ZNF841: variants seen among roughly 807,000 people sequenced by gnomAD.
The protein encoded by ZNF841 is TCONS_00006091.
In ZNF841, 11 loss-of-function variants were observed where a neutral mutation model predicts 13.0. The ratio of observed to expected loss-of-function variants is 0.85; its 90% CI spans 0.53 to 1.40. The LOEUF (loss-of-function observed/expected upper bound fraction) is 1.40. Among genes scored for constraint, ZNF841 ranks in the 40% most tolerant of loss-of-function variants. The pLI, the probability that ZNF841 is intolerant of heterozygous loss-of-function variation, is 0.00. For missense variants in ZNF841, 1,068 were observed against 1,139.5 expected, an observed-to-expected ratio of 0.94 and a Z score of 0.90; for synonymous variants, 369 against 381.6, an observed-to-expected ratio of 0.97 and a Z score of 0.38.
intron 6 of ZNF841, among the ~76,000 whole-genome samples, chr19:52,068,478 T>C (rs1201220284): frequency 2.0e-5 from 3 of 151,708 alleles, no homozygotes; most frequent in Non-Finnish European, 4.4e-5. Flanking sequence ...AGTTCAAGAC[T>C]AGCTTGGCCA....
At chr19:52,084,664 A>G (rs11084142) in intron 4 of ZNF841, 123 bp downstream of exon 4, 200,193 of 1,027,314 alleles carry the variant, frequency 0.19, 21,563 homozygotes, top group East Asian at 0.36. Flanking sequence ...GAAGGAAGGC[A>G]TGGGTGAGTG....
At chr19:52,073,033 G>T (rs2087785339) in intron 6 of ZNF841, among the ~76,000 whole-genome samples, 1 of 152,018 alleles carries the variant, frequency 6.6e-6, no homozygotes, top group Non-Finnish European at 1.5e-5. Context: ...GAACAGAATA[G>T]GAAACCCAGA....
intron 2 of ZNF841, among the ~76,000 whole-genome samples, chr19:52,090,116 C>A (rs925386098): frequency 2.0e-5 from 3 of 152,124 alleles, no homozygotes; most frequent in Non-Finnish European, 4.4e-5. Context: ...GGCCCTAAAT[C>A]TTTCTATACA....
At chr19:52,060,590 A>G (rs569834200), downstream of ZNF841, among the ~76,000 whole-genome samples, 1 of 150,210 alleles carries the variant, frequency 6.7e-6, no homozygotes, top group East Asian at 2.0e-4. Context: ...GTTTCCTAGT[A>G]GCTCGTTGGT....
At chr19:52,085,078 C>G (rs1304656168) in intron 3 of ZNF841, among the ~76,000 whole-genome samples, 200 bp from the exon 4 acceptor site, 1 of 152,106 alleles carries the variant, frequency 6.6e-6, no homozygotes, top group Non-Finnish European at 1.5e-5. Context: ...CCCAGAGAAG[C>G]CCCCACACAC....
chr19:52,079,212 T>G (rs1013415595), intron 4 of ZNF841, among the ~76,000 whole-genome samples: 6 of 152,074 alleles, frequency 3.9e-5, no homozygotes, highest in Non-Finnish European at 7.4e-5. Context: ...TAAGTGCAAT[T>G]TTATCCAGTT....
In ZNF841 at chr19:52,067,043, T is replaced by C. The variant is rs1415552978; in HGVS notation, c.839A>G (p.Gln280Arg). 3 of 1,612,968 alleles carry C rather than the reference T, an allele frequency of 1.9e-6. No individual in the cohort carries two copies. In the Admixed American group the frequency reaches 5.0e-5, roughly 27 times the overall value. Residue 280 changes from glutamine (Q) to arginine (R), a missense_variant, in exon 7 of 7, where the codon CAG (glutamine) becomes CGG (arginine). By Grantham distance (43) the Gln-to-Arg change is conservative. Coordinates refer to ENST00000594440, the MANE Select transcript of ZNF841 (RefSeq NM_001136499.2). ...AGGTTTCTCTGTAGTATGTATCATCTGATGATTAATAAGACTTGAAGACAC... is the reference window on the plus strand; with the variant it reads ...AGGTTTCTCTGTAGTATGTATCATCCGATGATTAATAAGACTTGAAGACAC... Reference protein sequence around the residue: ...FRVSSSLINHQMIHTTEKPYR... With the variant: ...FRVSSSLINHRMIHTTEKPYR...
chr19:52,062,163 A>T (rs886974859), downstream of ZNF841, among the ~76,000 whole-genome samples: 1 of 152,124 alleles, frequency 6.6e-6, no homozygotes, highest in East Asian at 1.9e-4. Context: ...CCAAAAGTTG[A>T]CCTTATTACT....
downstream of ZNF841, among the ~76,000 whole-genome samples, chr19:52,061,695 C>T (rs945457315): frequency 1.3e-5 from 2 of 152,160 alleles, no homozygotes; most frequent in Admixed American, 6.5e-5. Context: ...TACAGGCACA[C>T]ACCACCATGC....
intron 4 of ZNF841, among the ~76,000 whole-genome samples, chr19:52,082,811 TG>T (rs778387795): frequency 2.0e-5 from 3 of 152,224 alleles, no homozygotes; most frequent in Non-Finnish European, 4.4e-5. Context: ...CTGGGCACGG[TG>T]GCTGACACCT....
chr19:52,076,105 CA>C lies in ZNF841; in HGVS notation c.209del (p.Val70GlyfsTer4). On this transcript the variant is annotated frameshift_variant, in exon 6 of 7. Transcript: ENST00000594440. LOFTEE classifies it high-confidence loss of function. ...LEQGKEPWTVVSQVKIARNPN... is the reference protein window; with the variant it reads ...LEQGKEPWTVXSQVKIARNPN... The stretch of plus-strand genomic sequence containing the variant: ...GGTTCCTCGCTATTTTCACTTGGCT[CA>C]CCACAGTCCAGGGCTCTTTCCCTTG... The C allele has an allele frequency of 1.9e-6, 3 of 1,556,128 alleles. No individual in the cohort carries two copies. The highest frequency in any genetic ancestry group is 2.6e-6 in the Non-Finnish European group (3 of 1,149,212).
Position 52,066,158 on chromosome 19 carries a change from C to A in ZNF841, c.1724G>T (p.Gly575Val). The A allele has an allele frequency of 6.2e-7, 1 of 1,613,950 alleles. No individual in the cohort carries two copies. The highest frequency in any genetic ancestry group is 1.6e-4 in the Middle Eastern group (1 of 6,062). ...GCATGAATAGTAAGTGAAGACCATG[C>A]CACATTTATTACAATGGAGAGGTTT... ...GEKPLHCNKCGMVFTYYSCLA... is the reference protein window; with the variant it reads ...GEKPLHCNKCVMVFTYYSCLA... Residue 575 changes from glycine (G) to valine (V), a missense_variant, in exon 7 of 7, where the codon GGC becomes GTC. Transcript: ENST00000594440.
intron 4 of ZNF841, among the ~76,000 whole-genome samples, chr19:52,078,504 C>T (rs192565378): frequency 2.2e-3 from 337 of 152,074 alleles, no homozygotes; most frequent in African/African-American, 7.9e-3. Context: ...TCGAGACCAT[C>T]CTGGCTAACA....
In ZNF841 at chr19:52,076,069, C is replaced by T. The variant is rs1600090163; in HGVS notation, c.246G>A (p.Gly82=). ...QVKIARNPNC[G]ECMKGVITGI... is the part of the protein sequence containing the mutation. Reference sequence around the variant, plus strand: ...CGGTGATCACGCCTTTCATGCATTCCCCACAGTTTGGGTTCCTCGCTATTT... The same window carrying T: ...CGGTGATCACGCCTTTCATGCATTCTCCACAGTTTGGGTTCCTCGCTATTT... The change falls in exon 6 of 7, where the codon GGG becomes GGA. Residue 82 remains glycine (G), a synonymous_variant. Coordinates refer to ENST00000594440, the MANE Select transcript of ZNF841 (RefSeq NM_001136499.2). The T allele has an allele frequency of 1.3e-6, 2 of 1,553,082 alleles. No homozygotes were observed.
chr19:52,076,029 C>T lies in ZNF841; in HGVS notation c.271+15G>A. 1 of 1,551,922 alleles carries T rather than the reference C, an allele frequency of 6.4e-7. No individual in the cohort carries two copies. Among genetic ancestry groups the T allele is most frequent in the Non-Finnish European group, 8.7e-7 (1 of 1,147,168 alleles). The stretch of plus-strand genomic sequence containing the variant: ...TTCATGGTACCGCTTCCATTGTGCC[C>T]ATCTGAGCTCTTACCGGTGATCACG... On this transcript the variant is annotated intron_variant, in intron 6 of 6. Transcript: ENST00000594440.
At chr19:52,092,035 C>A (rs764231285) in intron 2 of ZNF841, among the ~76,000 whole-genome samples, 2 of 151,050 alleles carry the variant, frequency 1.3e-5, no homozygotes, top group Admixed American at 6.6e-5. Flanking sequence ...CCAGCTACTA[C>A]GGGGGCTGAG....
intron 4 of ZNF841, among the ~76,000 whole-genome samples, chr19:52,081,631 T>C (rs771640069): frequency 6.6e-6 from 1 of 152,172 alleles, no homozygotes; most frequent in Non-Finnish European, 1.5e-5. Context: ...GATGGGGTAA[T>C]TGCTTAAGCC....
chr19:52,084,617 T>C (rs1304054044), intron 4 of ZNF841, among the ~76,000 whole-genome samples, 170 bp downstream of exon 4: 1 of 152,126 alleles, frequency 6.6e-6, no homozygotes, highest in East Asian at 1.9e-4. Context: ...ACTGAGTCAC[T>C]GTGAGATCTG....
chr19:52,076,100 T>G lies in ZNF841; in HGVS notation c.215A>C (p.Gln72Pro). 2 of 1,555,416 alleles carry G rather than the reference T, an allele frequency of 1.3e-6. No homozygotes were observed. The highest frequency in any genetic ancestry group is 1.7e-6 in the Non-Finnish European group (2 of 1,148,872). Reference sequence around the variant, plus strand: ...GTTTGGGTTCCTCGCTATTTTCACTTGGCTCACCACAGTCCAGGGCTCTTT... The same window carrying G: ...GTTTGGGTTCCTCGCTATTTTCACTGGGCTCACCACAGTCCAGGGCTCTTT... The part of the protein sequence containing the change: ...QGKEPWTVVS[Q>P]VKIARNPNCG... The change falls in exon 6 of 7, where the codon CAA becomes CCA. Residue 72 changes from glutamine (Q) to proline (P), a missense_variant. Coordinates refer to ENST00000594440, the MANE Select transcript of ZNF841 (RefSeq NM_001136499.2).
Sources: gnomAD v4.1 joint callset for allele counts (sites outside exome capture counted in the v4.1 genomes callset) on GRCh38, gnomAD v4.1.1 for gene constraint, MANE v1.5 for transcripts, NCBI Gene and HGNC (gene_info 2026-07-23, HGNC 2026-07-21) for gene names.